The following DAB2 variants were observed in gnomAD, a reference collection of about 807,000 sequenced individuals.
The protein encoded by DAB2 is DAB adaptor protein 2.
In DAB2, 28 loss-of-function variants were observed where a neutral mutation model predicts 71.6. That is an observed-to-expected ratio of 0.39 (90% CI 0.29 to 0.54). The LOEUF (loss-of-function observed/expected upper bound fraction) is 0.54, where lower values mean the gene tolerates loss of function less well. Ranked by LOEUF, DAB2 falls within the 20% of genes least tolerant of loss-of-function variation. The pLI is 0.68. For synonymous variants in DAB2, 345 were observed against 339.7 expected (o/e 1.02, Z -0.17); for missense variants, 867 against 928.8 (o/e 0.93, Z 0.86).
intron 6 of DAB2, among the ~76,000 whole-genome samples, chr5:39,389,612 G>C (rs6879018): frequency 0.015 from 2,255 of 152,256 alleles, 43 homozygotes; most frequent in African/African-American, 0.052. Flanking sequence ...CCGGGTTCAA[G>C]TGATTCTCCT....
intron 13 of DAB2, 39 bp from the exon 14 acceptor site, chr5:39,375,123 C>G: frequency 6.8e-7 from 1 of 1,476,380 alleles, no homozygotes; most frequent in Non-Finnish European, 9.4e-7. Flanking sequence ...AATACAGTTA[C>G]AGTCATAAGA....
chr5:39,371,801 A>G lies in DAB2; in HGVS notation c.*1630T>C, dbSNP rs568575148. On this transcript the variant is annotated 3_prime_UTR_variant, in exon 15 of 15. Coordinates refer to ENST00000320816, the MANE Select transcript of DAB2 (RefSeq NM_001343.4). ...GCTGATCATGACTTTCAAAAATTCAACTACCTAGAAATAGTTACCTCCAGT... is the reference window on the plus strand; with the variant it reads ...GCTGATCATGACTTTCAAAAATTCAGCTACCTAGAAATAGTTACCTCCAGT... The G allele has an allele frequency of 6.6e-6, 1 of 152,338 alleles. No homozygotes were observed. Among genetic ancestry groups the G allele is most frequent in the East Asian group, 1.9e-4 (1 of 5,190 alleles). The allele number at this position is 152,338 out of a possible 1,614,324, so 9.4% of individuals were successfully genotyped here. A position where few individuals can be genotyped will look rare whatever the true frequency, so the allele number is the denominator to read the frequency against.
intron 9 of DAB2, among the ~76,000 whole-genome samples, chr5:39,385,851 G>C (rs1755087900): frequency 6.6e-6 from 1 of 152,062 alleles, no homozygotes; most frequent in Non-Finnish European, 1.5e-5. Context: ...TCCACAATAA[G>C]ACCCACGTTG....
chr5:39,424,867 G>C lies in DAB2; in HGVS notation c.-165C>G, dbSNP rs1184820913. 2 of 152,678 alleles carry C rather than the reference G, an allele frequency of 1.3e-5. No individual in the cohort carries two copies. The highest frequency in any genetic ancestry group is 4.8e-5 in the African/African-American group (2 of 41,444). The allele number at this position is 152,678 out of a possible 1,614,324, so 9.5% of individuals were successfully genotyped here. On this transcript the variant is annotated 5_prime_UTR_variant, in exon 1 of 15. Coordinates refer to ENST00000320816, the MANE Select transcript of DAB2 (RefSeq NM_001343.4). ...CCGCGCCCGGAGCCTCCAGGCTACA[G>C]CGCAGCGGATGCGGCGGGCCTCGCT... is the stretch of plus-strand genomic sequence containing the variant.
At chr5:39,378,914 CA>C (rs1754893311) in intron 11 of DAB2, among the ~76,000 whole-genome samples, 1 of 152,142 alleles carries the variant, frequency 6.6e-6, no homozygotes, top group Non-Finnish European at 1.5e-5. Context: ...CCTTTCATAA[CA>C]AATCAAGAGA....
At position 39,374,921 on chromosome 5, in the gene DAB2, T is replaced by C; in HGVS notation, c.*5+93A>G. On this transcript the variant is annotated intron_variant, in intron 14 of 14. Coordinates refer to ENST00000320816, the MANE Select transcript of DAB2 (RefSeq NM_001343.4). ...CCTAAATTATAGATATTTACCCTCT[T>C]CCCAATTCTAAAATTAAAATTTCAC... 3.7e-6 allele frequency: 3 copies of C among 819,912 alleles called. No homozygotes were observed. In the South Asian group the frequency reaches 4.4e-5, roughly 12 times the overall value. The allele number at this position is 819,912 out of a possible 1,614,324, so 50.8% of individuals were successfully genotyped here. A position where few individuals can be genotyped will look rare whatever the true frequency, so the allele number is the denominator to read the frequency against.
At chr5:39,387,307 TC>T (rs1234020849) in intron 9 of DAB2, among the ~76,000 whole-genome samples, 1 of 152,090 alleles carries the variant, frequency 6.6e-6, no homozygotes, top group Non-Finnish European at 1.5e-5. Flanking sequence ...TCTAGACATT[TC>T]CCCCCATTAT....
At chr5:39,420,931 C>T (rs568131974) in intron 1 of DAB2, among the ~76,000 whole-genome samples, 16 of 152,268 alleles carry the variant, frequency 1.1e-4, no homozygotes, top group African/African-American at 3.9e-4. Flanking sequence ...TGCACACACT[C>T]GGAAGAATTT....
At chr5:39,419,239 T>C (rs1755917634) in intron 1 of DAB2, among the ~76,000 whole-genome samples, 1 of 152,220 alleles carries the variant, frequency 6.6e-6, no homozygotes, top group Non-Finnish European at 1.5e-5. Context: ...CTCTATCCTA[T>C]GTCCTTTGCC....
At chr5:39,407,642 G>A (rs555297572) in intron 1 of DAB2, among the ~76,000 whole-genome samples, 3 of 152,302 alleles carry the variant, frequency 2.0e-5, no homozygotes, top group East Asian at 1.9e-4. Context: ...TACCTCACTC[G>A]TGGACTTCAG....
intron 13 of DAB2, 72 bp from the exon 14 acceptor site, chr5:39,375,156 CA>C (rs1246781017): frequency 8.8e-7 from 1 of 1,135,562 alleles, no homozygotes; most frequent in African/African-American, 1.6e-5. Flanking sequence ...TGAAGACTTC[CA>C]AAATTCTTTT....
intron 1 of DAB2, among the ~76,000 whole-genome samples, chr5:39,396,891 T>C (rs1755381356): frequency 6.6e-6 from 1 of 152,198 alleles, no homozygotes; most frequent in Admixed American, 6.5e-5. Context: ...GCTGAGTAGC[T>C]GGAGGGGTGA....
chr5:39,397,574 A>G (rs1396728760), intron 1 of DAB2, among the ~76,000 whole-genome samples: 6 of 152,192 alleles, frequency 3.9e-5, no homozygotes, highest in Non-Finnish European at 1.5e-5. Flanking sequence ...GAAGCTAAGC[A>G]GGGTCAGGCC....
intron 11 of DAB2, among the ~76,000 whole-genome samples, chr5:39,379,699 A>T (rs1292681857): frequency 6.6e-6 from 1 of 152,142 alleles, no homozygotes; most frequent in East Asian, 1.9e-4. Context: ...CTGAGGGCTC[A>T]GCTTTCTACA....
chr5:39,388,135 C>T (rs1185687038), intron 9 of DAB2, 170 bp downstream of exon 9: 1 of 593,968 alleles, frequency 1.7e-6, no homozygotes, highest in Non-Finnish European at 3.0e-6. Flanking sequence ...TGGATAGGTT[C>T]CCATGGTGAC....
At chr5:39,416,113 C>T (rs1375615354) in intron 1 of DAB2, among the ~76,000 whole-genome samples, 1 of 151,986 alleles carries the variant, frequency 6.6e-6, no homozygotes, top group East Asian at 1.9e-4. Flanking sequence ...TCACCGCCAC[C>T]CTGAGTTCCT....
At chr5:39,375,156 C>A in intron 13 of DAB2, 72 bp from the exon 14 acceptor site, 1 of 1,135,680 alleles carries the variant, frequency 8.8e-7, no homozygotes, top group Non-Finnish European at 1.3e-6. Context: ...TGAAGACTTC[C>A]AAAATTCTTT....
chr5:39,384,720 A>AT (rs1755057839), intron 9 of DAB2, among the ~76,000 whole-genome samples: 1 of 152,068 alleles, frequency 6.6e-6, no homozygotes, highest in African/African-American at 2.4e-5. Context: ...ATTATAACTC[A>AT]TCCTAGAACA....
chr5:39,407,540 G>A (rs1755634860), intron 1 of DAB2, among the ~76,000 whole-genome samples: 1 of 152,168 alleles, frequency 6.6e-6, no homozygotes, highest in South Asian at 2.1e-4. Flanking sequence ...AAATAATCTT[G>A]GCAGTTTGTT....
Sources: allele counts gnomAD v4.1 joint callset (sites outside exome capture counted in the v4.1 genomes callset), GRCh38; gene constraint gnomAD v4.1.1; transcripts MANE v1.5; gene names NCBI Gene and HGNC (gene_info 2026-07-23, HGNC 2026-07-21).